Variants in FAXC observed in about 807,000 individuals in gnomAD.
The protein encoded by FAXC is failed axon connections homolog, metaxin like GST domain containing.
FAXC carries 10 observed loss-of-function variants against 41.9 expected under a neutral mutation model. The observed-to-expected ratio is 0.24, with a 90% CI of 0.15 to 0.41. The LOEUF (loss-of-function observed/expected upper bound fraction) is 0.41. Ranked by LOEUF, FAXC falls within the 10% of genes least tolerant of loss-of-function variation. FAXC has a pLI of 1.00. For synonymous variants in FAXC, 183 were observed against 183.8 expected, an observed-to-expected ratio of 1.00 and a Z score of 0.03; for missense variants, 399 against 510.9, an observed-to-expected ratio of 0.78 and a Z score of 2.11.
At chr6:99,313,650 T>C (rs374649611) in intron 4 of FAXC, among the ~76,000 whole-genome samples, 1 of 152,250 alleles carries the variant, frequency 6.6e-6, no homozygotes, top group African/African-American at 2.4e-5. Context: ...AAGTTTCCCA[T>C]ATTTTATTCT....
chr6:99,324,722 T>C (rs1267206608), intron 3 of FAXC, among the ~76,000 whole-genome samples: 1 of 152,220 alleles, frequency 6.6e-6, no homozygotes, highest in Non-Finnish European at 1.5e-5. Flanking sequence ...ATAGTGCTGG[T>C]AGATAGAAAT....
chr6:99,334,886 T>A (rs1201545047), intron 2 of FAXC, among the ~76,000 whole-genome samples: 1 of 152,134 alleles, frequency 6.6e-6, no homozygotes. Flanking sequence ...GCTATCTAAG[T>A]CCCTCTGGTC....
chr6:99,295,590 C>A (rs1367312033), intron 4 of FAXC, among the ~76,000 whole-genome samples: 1 of 152,214 alleles, frequency 6.6e-6, no homozygotes, highest in Non-Finnish European at 1.5e-5. Flanking sequence ...AGCTTGCCAG[C>A]TCATCCTGCA....
intron 4 of FAXC, among the ~76,000 whole-genome samples, chr6:99,312,992 C>T (rs1772204650): frequency 6.6e-6 from 1 of 152,146 alleles, no homozygotes; most frequent in South Asian, 2.1e-4. Flanking sequence ...TTGCATTTCT[C>T]TGATATTAAA....
intron 4 of FAXC, among the ~76,000 whole-genome samples, chr6:99,319,576 T>G (rs908535373): frequency 6.6e-6 from 1 of 152,196 alleles, no homozygotes; most frequent in Admixed American, 6.5e-5. Flanking sequence ...CTTCTCACCA[T>G]TACTGTTCCT....
At chr6:99,302,382 G>A (rs755993575) in intron 4 of FAXC, among the ~76,000 whole-genome samples, 23 of 152,182 alleles carry the variant, frequency 1.5e-4, no homozygotes, top group African/African-American at 5.3e-4. Flanking sequence ...ACGGCCACGC[G>A]CAGTGGCTCA....
At chr6:99,317,234 A>G (rs1290705547) in intron 4 of FAXC, among the ~76,000 whole-genome samples, 1 of 152,142 alleles carries the variant, frequency 6.6e-6, no homozygotes, top group Admixed American at 6.5e-5. Flanking sequence ...TTTCAGAAGC[A>G]GCCCCCAAAA....
intron 4 of FAXC, among the ~76,000 whole-genome samples, chr6:99,298,153 C>A (rs1434869712): frequency 1.3e-5 from 2 of 152,032 alleles, no homozygotes; most frequent in Non-Finnish European, 2.9e-5. Flanking sequence ...CTTGTGCACA[C>A]TGAAGCTTAA....
At chr6:99,304,946 T>C (rs1366421027) in intron 4 of FAXC, among the ~76,000 whole-genome samples, 2 of 152,086 alleles carry the variant, frequency 1.3e-5, no homozygotes, top group Non-Finnish European at 2.9e-5. Context: ...AGAAAGTTTC[T>C]AAGTAAGTGG....
rs2128444245 is a variant in FAXC, at chr6:99,275,490, G to A, written c.*5674C>T. ...TACAATTTAAGGCAATCATCCTTAT[G>A]AAATTTGAGCATCCTAGTTTGTCAT... On this transcript the variant is annotated 3_prime_UTR_variant, in exon 6 of 6. Coordinates refer to ENST00000389677, the MANE Select transcript of FAXC (RefSeq NM_032511.4). 6.6e-6 allele frequency: 1 copy of A among 152,276 alleles called. No homozygotes were observed. The highest frequency in any genetic ancestry group is 2.1e-4 in the South Asian group (1 of 4,824). 9.4% of individuals were successfully genotyped at this position (152,276 alleles called of 1,614,324 possible). A position where few individuals can be genotyped will look rare whatever the true frequency, so the allele number is the denominator to read the frequency against.
rs1375893710 is a variant in FAXC at position 99,279,465 on chromosome 6, T to TTG, written c.*1698_*1699insCA. The TTG allele has an allele frequency of 8.4e-6, 1 of 118,714 alleles. No homozygotes were observed. The highest frequency in any genetic ancestry group is 1.8e-5 in the Non-Finnish European group (1 of 57,024). 7.4% of individuals were successfully genotyped at this position (118,714 alleles called of 1,614,324 possible). ...GCAAATGCTATATTCAAAAAGAGGTTTTTTTTTTTTCAAGTAAAGTGCATG... is the reference window on the plus strand; with the variant it reads ...GCAAATGCTATATTCAAAAAGAGGTTTGTTTTTTTTTTCAAGTAAAGTGCATG... On this transcript the variant is annotated 3_prime_UTR_variant, in exon 6 of 6. Transcript: ENST00000389677.
intron 4 of FAXC, among the ~76,000 whole-genome samples, chr6:99,302,107 TG>T (rs1771733970): frequency 6.6e-6 from 1 of 152,156 alleles, no homozygotes; most frequent in Admixed American, 6.5e-5. Flanking sequence ...AGGGTTGACT[TG>T]GGGAGGATCT....
rs1356655280 is a variant in FAXC at position 99,281,179 on chromosome 6, G to A, written c.1215C>T (p.His405=). The change falls in exon 6 of 6, where the codon CAC becomes CAT. Residue 405 remains histidine, a synonymous_variant. Transcript: ENST00000389677. The stretch of plus-strand genomic sequence containing the variant: ...AGGCTGGACGTCACTTGCACTGTTC[G>A]TGGTCTGTATAGTCATCCATGTCCA... ...SDVDMDDYTD[H]EQCK is the part of the protein sequence containing the mutation. The A allele has an allele frequency of 1.5e-5, 22 of 1,445,372 alleles. No individual in the cohort carries two copies. Among genetic ancestry groups the A allele is most frequent in the African/African-American group, 7.0e-5 (5 of 71,492 alleles). 89.5% of individuals were successfully genotyped at this position (1,445,372 alleles called of 1,614,324 possible).
chr6:99,328,776 T>C (rs1772921982), intron 3 of FAXC, among the ~76,000 whole-genome samples: 1 of 152,216 alleles, frequency 6.6e-6, no homozygotes, highest in African/African-American at 2.4e-5. Context: ...TCCCCCAGCA[T>C]TAACCATTAC....
intron 2 of FAXC, 152 bp downstream of exon 2, chr6:99,342,746 T>C: frequency 1.7e-6 from 1 of 597,210 alleles, no homozygotes; most frequent in Non-Finnish European, 2.7e-6. Context: ...TCAAGTATTT[T>C]ATTTCCCTCT....
intron 4 of FAXC, among the ~76,000 whole-genome samples, chr6:99,312,441 A>G (rs1205240407): frequency 6.6e-6 from 1 of 152,228 alleles, no homozygotes; most frequent in Non-Finnish European, 1.5e-5. Flanking sequence ...ATGAAAGGGT[A>G]TCACTCATTC....
intron 5 of FAXC, among the ~76,000 whole-genome samples, chr6:99,288,857 CAT>C (rs1771121467): frequency 2.2e-5 from 3 of 139,012 alleles, no homozygotes; most frequent in South Asian, 2.6e-4. Flanking sequence ...GACACACACA[CAT>C]ACACACACAC....
chr6:99,324,527 G>C (rs1328908389), intron 3 of FAXC, among the ~76,000 whole-genome samples: 1 of 152,188 alleles, frequency 6.6e-6, no homozygotes, highest in African/African-American at 2.4e-5. Context: ...AATGGAACTT[G>C]GCTGAATCCT....
chr6:99,324,406 C>T (rs1031634511), intron 3 of FAXC, among the ~76,000 whole-genome samples: 1 of 152,002 alleles, frequency 6.6e-6, no homozygotes, highest in Non-Finnish European at 1.5e-5. Flanking sequence ...AGTAAGTGCA[C>T]CTGTCCATCT....
Sources: allele counts gnomAD v4.1 joint callset (sites outside exome capture counted in the v4.1 genomes callset), GRCh38; gene constraint gnomAD v4.1.1; transcripts MANE v1.5; gene names NCBI Gene and HGNC (gene_info 2026-07-23, HGNC 2026-07-21).